The following GABBR2 variants were observed in gnomAD, a reference collection of about 807,000 sequenced individuals.
The protein encoded by GABBR2 is G-protein coupled receptor 51.
GABBR2 carries 23 observed loss-of-function variants against 105.6 expected under a neutral mutation model. The ratio of observed to expected loss-of-function variants is 0.22; its 90% CI spans 0.16 to 0.31. GABBR2 has a LOEUF of 0.31. Among genes scored for constraint, GABBR2 ranks in the 10% least tolerant of loss-of-function variants. The probability of loss-of-function intolerance (pLI) is 1.00; values close to 1 mark genes in which losing one functional copy is unlikely to be tolerated. For synonymous variants in GABBR2, 478 were observed against 499.7 expected, an observed-to-expected ratio of 0.96 and a Z score of 0.58; for missense variants, 734 against 1,245.5, an observed-to-expected ratio of 0.59 and a Z score of 6.18.
intron 6 of GABBR2, among the ~76,000 whole-genome samples, chr9:98,457,922 A>T (rs1172251613): frequency 1.3e-5 from 2 of 152,226 alleles, no homozygotes; most frequent in Non-Finnish European, 2.9e-5. Context: ...CTGATTAATT[A>T]CCATCCTCCG....
intron 1 of GABBR2, among the ~76,000 whole-genome samples, chr9:98,592,708 T>C (rs1829163955): frequency 6.6e-6 from 1 of 152,022 alleles, no homozygotes; most frequent in Non-Finnish European, 1.5e-5. Flanking sequence ...TTTCACCAAG[T>C]GAAGGAATAG....
intron 1 of GABBR2, among the ~76,000 whole-genome samples, chr9:98,615,803 G>C (rs997102492): frequency 1.3e-5 from 2 of 152,298 alleles, no homozygotes; most frequent in East Asian, 3.9e-4. Context: ...AGCTCTGTGT[G>C]GGAGGGAGGG....
At chr9:98,329,469 C>G (rs977155392) in intron 13 of GABBR2, among the ~76,000 whole-genome samples, 4 of 152,240 alleles carry the variant, frequency 2.6e-5, no homozygotes, top group Non-Finnish European at 5.9e-5. Context: ...CCTTCAAGCT[C>G]TATTCCAGGC....
chr9:98,634,661 T>G lies in GABBR2; in HGVS notation c.322-56589A>C, dbSNP rs542893869. Among the ~76,000 whole-genome samples, 3 of 152,198 alleles carry G rather than the reference T, an allele frequency of 2.0e-5. No homozygotes were observed. The South Asian group carries it at 6.2e-4, about 31-fold the overall frequency. ...ATTTTGGACTTCTAGCCTCCAGAAC[T>G]GTGAGCTAATAAATTTCTATTGTTT... On this transcript the variant is annotated intron_variant, in intron 1 of 18. Coordinates refer to ENST00000259455, the MANE Select transcript of GABBR2 (RefSeq NM_005458.8).
intron 7 of GABBR2, among the ~76,000 whole-genome samples, chr9:98,415,719 A>G (rs1328592568): frequency 1.3e-5 from 2 of 152,172 alleles, no homozygotes; most frequent in East Asian, 3.8e-4. Flanking sequence ...ATGTATGATG[A>G]TCTCCATTTT....
At position 98,388,751 on chromosome 9, in the gene GABBR2, C is replaced by T. The variant is rs564242966; in HGVS notation, c.1529+103G>A. 1.1e-6 allele frequency: 1 copy of T among 951,398 alleles called. No individual in the cohort carries two copies. The highest frequency in any genetic ancestry group is 1.6e-5 in the African/African-American group (1 of 60,976). 58.9% of individuals were successfully genotyped at this position (951,398 alleles called of 1,614,324 possible). ...ACTTTGGGAAACTCTGCCCTGCAGA[C>T]TTCTGTGTCCCTGGGGAATCTGTCA... On this transcript the variant is annotated intron_variant, in intron 10 of 18. Coordinates refer to ENST00000259455, the MANE Select transcript of GABBR2 (RefSeq NM_005458.8). This position sits in a 1 kb window ranked among gnomAD's most constrained non-coding sequence, Gnocchi z 4.4.
chr9:98,548,916 TTTTG>T lies in GABBR2; in HGVS notation c.460-6877_460-6874del, dbSNP rs1321532046. ...TGAGAGTGTATGTATGTGTATGTTT[TTTTG>T]TTTGTTTATTTGTTTGGTTGGTTGG... is the stretch of plus-strand genomic sequence containing the variant. On this transcript the variant is annotated intron_variant, in intron 2 of 18. Transcript: ENST00000259455. Among the ~76,000 whole-genome samples, 7 of 120,976 alleles carry T rather than the reference TTTTG, an allele frequency of 5.8e-5. 3 individuals are homozygous for T. Among genetic ancestry groups the T allele is most frequent in the Admixed American group, 2.7e-4 (3 of 11,070 alleles). The allele number at this position is 120,976 out of a possible 152,430, so 79.4% of individuals were successfully genotyped here.
At chr9:98,464,051 G>A (rs969711592) in intron 6 of GABBR2, among the ~76,000 whole-genome samples, 3 of 152,300 alleles carry the variant, frequency 2.0e-5, no homozygotes, top group Middle Eastern at 3.4e-3. Context: ...CTGCCCGCCC[G>A]CCACCCCGTC....
At chr9:98,372,275 A>G (rs1318768360) in intron 11 of GABBR2, among the ~76,000 whole-genome samples, 1 of 151,648 alleles carries the variant, frequency 6.6e-6, no homozygotes, top group Non-Finnish European at 1.5e-5. Flanking sequence ...GTACTGTATC[A>G]CTCCCAGACC....
intron 1 of GABBR2, among the ~76,000 whole-genome samples, chr9:98,579,221 T>C (rs1828966231): frequency 6.6e-6 from 1 of 152,214 alleles, no homozygotes; most frequent in Non-Finnish European, 1.5e-5. Flanking sequence ...CTGTGTTCAG[T>C]CCAGGGCTGG....
intron 1 of GABBR2, among the ~76,000 whole-genome samples, chr9:98,588,649 C>T (rs1375565493): frequency 6.6e-6 from 1 of 152,210 alleles, no homozygotes; most frequent in Non-Finnish European, 1.5e-5. Context: ...AGTTGGGAGT[C>T]AAACCCATGG....
At chr9:98,601,123 C>T (rs1829325486) in intron 1 of GABBR2, among the ~76,000 whole-genome samples, 1 of 152,224 alleles carries the variant, frequency 6.6e-6, no homozygotes, top group Non-Finnish European at 1.5e-5. Flanking sequence ...AACAGTGCTG[C>T]TCAGACTGTC....
chr9:98,419,092 T>A (rs1030995592), intron 7 of GABBR2, among the ~76,000 whole-genome samples: 2 of 152,230 alleles, frequency 1.3e-5, no homozygotes, highest in African/African-American at 4.8e-5. Context: ...GGGCTGCAGA[T>A]TGGCCCGGGG....
intron 5 of GABBR2, among the ~76,000 whole-genome samples, chr9:98,474,254 A>G (rs1188850593): frequency 6.6e-6 from 1 of 152,198 alleles, no homozygotes; most frequent in Non-Finnish European, 1.5e-5. Flanking sequence ...TTAAGGGTAC[A>G]AAGCTACACT....
chr9:98,578,544 G>C (rs1309881140), intron 1 of GABBR2, among the ~76,000 whole-genome samples: 1 of 152,122 alleles, frequency 6.6e-6, no homozygotes, highest in Non-Finnish European at 1.5e-5. Context: ...TGTGGAAACA[G>C]TATAGTGGTT....
chr9:98,699,700 G>T (rs1172983745), intron 1 of GABBR2, among the ~76,000 whole-genome samples: 1 of 152,094 alleles, frequency 6.6e-6, no homozygotes, highest in Admixed American at 6.5e-5. Context: ...GAACAGCAAA[G>T]ACTTCCCTGT....
At chr9:98,669,957 G>A (rs892419088) in intron 1 of GABBR2, among the ~76,000 whole-genome samples, 20 of 149,922 alleles carry the variant, frequency 1.3e-4, no homozygotes, top group Middle Eastern at 3.4e-3. Context: ...CCAGGAGAAC[G>A]AAGCAAGCGA....
At position 98,667,622 on chromosome 9, in the gene GABBR2, C is replaced by A. The variant is rs373776509; in HGVS notation, c.321+40795G>T. Among the ~76,000 whole-genome samples the A allele has an allele frequency of 2.0e-5, 3 of 152,188 alleles. No individual in the cohort carries two copies. The South Asian group carries it at 6.2e-4, about 32-fold the overall frequency. On this transcript the variant is annotated intron_variant, in intron 1 of 18. Transcript: ENST00000259455. ...GGGCTCCCTGCGGCATCAGCTGAGG[C>A]CTCTGCTGCAACTGTGTGCTGTGTG... is the stretch of plus-strand genomic sequence containing the variant.
At chr9:98,634,925 G>T (rs1829858424) in intron 1 of GABBR2, among the ~76,000 whole-genome samples, 1 of 152,012 alleles carries the variant, frequency 6.6e-6, no homozygotes, top group Non-Finnish European at 1.5e-5. Flanking sequence ...TCTGTTTCCG[G>T]CAACTCCCAC....
Sources: gnomAD v4.1 joint callset for allele counts (sites outside exome capture counted in the v4.1 genomes callset) on GRCh38, gnomAD v4.1.1 for gene constraint, Gnocchi (gnomAD v3.1) non-coding constraint, MANE v1.5 for transcripts, NCBI Gene and HGNC (gene_info 2026-07-23, HGNC 2026-07-21) for gene names.